The following BMPR1B variants were observed in gnomAD, a reference collection of about 807,000 sequenced individuals.
BMPR1B encodes the protein bone morphogenetic protein receptor type 1B.
Under a neutral mutation model 59.1 loss-of-function variants are expected in BMPR1B, and 12 were observed. The ratio of observed to expected loss-of-function variants is 0.20; its 90% CI spans 0.13 to 0.33. The LOEUF (loss-of-function observed/expected upper bound fraction) is 0.33, where lower values mean the gene tolerates loss of function less well. Among genes scored for constraint, BMPR1B ranks in the 10% least tolerant of loss-of-function variants. The pLI, the probability that BMPR1B is intolerant of heterozygous loss-of-function variation, is 1.00. For missense variants in BMPR1B, 550 were observed against 610.9 expected (o/e 0.90, Z 1.05); for synonymous variants, 237 against 207.3 (o/e 1.14, Z -1.23).
rs776183665 is a variant in BMPR1B, at chr4:95,152,724, GCAT to G, written c.1337_1339del (p.Ile446del). ...TATGAGGACATGAGGGAGATTGTGT[GCAT>G]CAAGAAGTTACGCCCCTCATTCCCA... On this transcript the variant is annotated inframe_deletion, in exon 12 of 13. Coordinates refer to ENST00000515059, the MANE Select transcript of BMPR1B (RefSeq NM_001203.3). 1.2e-6 allele frequency: 2 copies of G among 1,607,138 alleles called. No individual in the cohort carries two copies. Among genetic ancestry groups the G allele is most frequent in the Non-Finnish European group, 1.7e-6 (2 of 1,176,680 alleles).
intron 10 of BMPR1B, among the ~76,000 whole-genome samples, chr4:95,135,708 A>G (rs1413143771): frequency 6.6e-6 from 1 of 152,144 alleles, no homozygotes; most frequent in East Asian, 1.9e-4. Flanking sequence ...TTGCACATTG[A>G]TTTTGTATCC....
rs538141310 is a variant in BMPR1B, at chr4:94,781,435, C to G, written c.-183+23367C>G. 3.3e-5 allele frequency among the ~76,000 whole-genome samples: 5 copies of G among 152,028 alleles called. No homozygotes were observed. The East Asian group carries it at 9.7e-4, about 29-fold the overall frequency. On this transcript the variant is annotated intron_variant, in intron 1 of 12. Transcript: ENST00000515059. ...ATTTTTTATTTTTATTTTTTTGAGA[C>G]GAAGTCTTGCTCTGTCACCCAGGCC...
intron 2 of BMPR1B, among the ~76,000 whole-genome samples, chr4:94,975,528 A>G (rs1257206008): frequency 6.7e-6 from 1 of 148,292 alleles, no homozygotes; most frequent in Non-Finnish European, 1.5e-5. Context: ...ATGCCTGGCT[A>G]AATTTTTTTT....
At chr4:95,090,230 G>A (rs867315264) in intron 3 of BMPR1B, among the ~76,000 whole-genome samples, 33 of 151,480 alleles carry the variant, frequency 2.2e-4, no homozygotes, top group African/African-American at 7.3e-4. Flanking sequence ...TATATAAACA[G>A]CAATAAAAAA....
At chr4:94,769,426 C>A (rs1257055485) in intron 1 of BMPR1B, among the ~76,000 whole-genome samples, 3 of 152,128 alleles carry the variant, frequency 2.0e-5, no homozygotes, top group Admixed American at 2.0e-4. Context: ...GCCTGACCAA[C>A]ATGGTGAAAC....
chr4:94,917,045 G>A (rs560372113), intron 2 of BMPR1B, among the ~76,000 whole-genome samples: 1 of 152,390 alleles, frequency 6.6e-6, no homozygotes, highest in South Asian at 2.1e-4. Context: ...CTGCTTCCAT[G>A]TGGTGTTAAG....
intron 3 of BMPR1B, among the ~76,000 whole-genome samples, chr4:95,015,403 A>T (rs555375239): frequency 6.6e-6 from 1 of 152,086 alleles, no homozygotes; most frequent in East Asian, 1.9e-4. Flanking sequence ...TATTTAACAG[A>T]ACTTCTTTTT....
At chr4:94,794,495 G>A (rs1175743890) in intron 1 of BMPR1B, among the ~76,000 whole-genome samples, 34 of 138,328 alleles carry the variant, frequency 2.5e-4, no homozygotes, top group African/African-American at 6.7e-4. Flanking sequence ...TTGACTTGGC[G>A]ATGCGGGCTC....
intron 2 of BMPR1B, among the ~76,000 whole-genome samples, chr4:94,957,597 A>T (rs1226237695): frequency 1.3e-5 from 2 of 151,396 alleles, no homozygotes; most frequent in African/African-American, 2.4e-5. Context: ...CGACTGGCCC[A>T]CCTTTCTACT....
At position 95,103,975 on chromosome 4, in the gene BMPR1B, A is replaced by T. The variant is rs758169381; in HGVS notation, c.-17-433A>T. The stretch of plus-strand genomic sequence containing the variant: ...TGGTAGATAGACAGTTTTAAAGCTG[A>T]AACAATTTGAGTTTAAATGCTGGGT... On this transcript the variant is annotated intron_variant, in intron 3 of 12. Coordinates refer to ENST00000515059, the MANE Select transcript of BMPR1B (RefSeq NM_001203.3). Among the ~76,000 whole-genome samples the T allele has an allele frequency of 4.0e-4, 61 of 152,204 alleles. 1 individual carries two copies. Among genetic ancestry groups the T allele is most frequent in the Non-Finnish European group, 1.2e-4 (8 of 67,976 alleles).
At chr4:94,820,187 A>G (rs943262999) in intron 1 of BMPR1B, among the ~76,000 whole-genome samples, 8 of 152,196 alleles carry the variant, frequency 5.3e-5, no homozygotes, top group Non-Finnish European at 8.8e-5. Context: ...GGAAGAGAGA[A>G]AGAATTTTCT....
chr4:95,098,073 G>A (rs75447739), intron 3 of BMPR1B, among the ~76,000 whole-genome samples: 6,505 of 151,836 alleles, frequency 0.043, 469 homozygotes, highest in African/African-American at 0.15. Context: ...TAGTATATTA[G>A]GATACTAATA....
At position 95,144,297 on chromosome 4, in the gene BMPR1B, C is replaced by T. The variant is rs147246473; in HGVS notation, c.1077-4451C>T. On this transcript the variant is annotated intron_variant, in intron 10 of 12. Transcript: ENST00000515059. ...TCAAGTGATCCTCCTGCTTCAGCCT[C>T]GCAAGTAGCTGGGGCTACAGGCATG... Among the ~76,000 whole-genome samples the T allele has an allele frequency of 3.3e-3, 504 of 152,182 alleles. 2 individuals carry two copies. Among genetic ancestry groups the T allele is most frequent in the African/African-American group, 0.011 (473 of 41,524 alleles).
intron 3 of BMPR1B, among the ~76,000 whole-genome samples, chr4:95,041,224 T>G (rs1725631324): frequency 1.3e-5 from 2 of 152,096 alleles, no homozygotes; most frequent in Admixed American, 6.5e-5. Flanking sequence ...TTTTTTTTTG[T>G]TTTTAGTAGC....
At chr4:95,136,090 T>C (rs1211077577) in intron 10 of BMPR1B, among the ~76,000 whole-genome samples, 7 of 152,170 alleles carry the variant, frequency 4.6e-5, no homozygotes, top group African/African-American at 1.7e-4. Context: ...TAAATTTTGT[T>C]GAAGGCCTTT....
chr4:95,125,014 A>T lies in BMPR1B; in HGVS notation c.478A>T (p.Ser160Cys), dbSNP rs750037039. 1 of 1,613,522 alleles carries T rather than the reference A, an allele frequency of 6.2e-7. No homozygotes were observed. The highest frequency in any genetic ancestry group is 1.7e-5 in the Admixed American group (1 of 59,984). ...AAGACAAGAAACCAGACCTCGATAC[A>T]GCATTGGGTTAGAACAGGATGAAAC... ...YKRQETRPRY[S>C]IGLEQDETYI... The change falls in exon 8 of 13, where the codon AGC (serine) becomes TGC (cysteine). Residue 160 changes from serine (S) to cysteine (C), a missense_variant. Around this residue, in one of 6 missense-constraint regions of BMPR1B, gnomAD observed 318 missense variants for 284.6 expected, o/e 1.12. Coordinates refer to ENST00000515059, the MANE Select transcript of BMPR1B (RefSeq NM_001203.3).
rs116686911 is a variant in BMPR1B, at chr4:95,072,681, A to G, written c.-17-31727A>G. ...ACTTTAAATTATTAAACAGCCATTAAGAAAACTACATACTTATGTTTTAGT... is the reference window on the plus strand; with the variant it reads ...ACTTTAAATTATTAAACAGCCATTAGGAAAACTACATACTTATGTTTTAGT... On this transcript the variant is annotated intron_variant, in intron 3 of 12. Coordinates refer to ENST00000515059, the MANE Select transcript of BMPR1B (RefSeq NM_001203.3). Among the ~76,000 whole-genome samples the G allele has an allele frequency of 8.1e-3, 1,228 of 152,322 alleles. 25 individuals carry two copies. Among genetic ancestry groups the G allele is most frequent in the African/African-American group, 0.028 (1,179 of 41,584 alleles).
chr4:94,796,537 ATT>A lies in BMPR1B; in HGVS notation c.-183+38480_-183+38481del, dbSNP rs374479312. Among the ~76,000 whole-genome samples the A allele has an allele frequency of 6.7e-5, 10 of 148,490 alleles. No homozygotes were observed. In the Middle Eastern group the frequency reaches 0.01, roughly 156 times the overall value. On this transcript the variant is annotated intron_variant, in intron 1 of 12. Transcript: ENST00000515059. ...TTAAACCTTTGAAAAGAGGTTCTTA[ATT>A]TTTTTTTTTTAAGTTTGAAGTTGAG...
At chr4:95,078,524 CCT>C (rs1277194579) in intron 3 of BMPR1B, among the ~76,000 whole-genome samples, 2 of 152,054 alleles carry the variant, frequency 1.3e-5, no homozygotes, top group African/African-American at 2.4e-5. Flanking sequence ...TATTATTACC[CCT>C]GTTTTCAAGA....
Sources: gnomAD v4.1 joint callset for allele counts (sites outside exome capture counted in the v4.1 genomes callset) on GRCh38, gnomAD v4.1.1 for gene constraint, gnomAD v4.1.1 regional missense constraint, MANE v1.5 for transcripts, NCBI Gene and HGNC (gene_info 2026-07-23, HGNC 2026-07-21) for gene names.